PTPRN2: variants seen among roughly 807,000 people sequenced by gnomAD.
PTPRN2 encodes the protein receptor-type tyrosine-protein phosphatase N2.
In PTPRN2, 74 loss-of-function variants were observed where a neutral mutation model predicts 118.8. The observed-to-expected ratio is 0.62, with a 90% CI of 0.52 to 0.76. The LOEUF (loss-of-function observed/expected upper bound fraction) is 0.76. PTPRN2 is among the 30% of genes least tolerant of loss of function. The pLI, the probability that PTPRN2 is intolerant of heterozygous loss-of-function variation, is 0.00. For missense variants in PTPRN2, 1,481 were observed against 1,394.4 expected, an observed-to-expected ratio of 1.06 and a Z score of -0.99; for synonymous variants, 641 against 608.0, an observed-to-expected ratio of 1.05 and a Z score of -0.80.
In PTPRN2 at chr7:158,159,127, T is replaced by C. The variant is rs4626546; in HGVS notation, c.910+7804A>G. ...GAGCCCGTGTGATTGGCCAGGACTT[T>C]GCAAGTGCTTTCTGAATGAATGAGT... On this transcript the variant is annotated intron_variant, in intron 6 of 22. Transcript: ENST00000389418. Among the ~76,000 whole-genome samples the C allele has an allele frequency of 1.4e-3, 13 of 9,344 alleles. 2 individuals carry two copies. Among genetic ancestry groups the C allele is most frequent in the Admixed American group, 3.8e-3 (2 of 522 alleles). The allele number at this position is 9,344 out of a possible 152,430, so 6.1% of individuals were successfully genotyped here. A position where few individuals can be genotyped will look rare whatever the true frequency, so the allele number is the denominator to read the frequency against.
intron 3 of PTPRN2, among the ~76,000 whole-genome samples, chr7:158,301,506 T>C (rs551082041): frequency 1.3e-3 from 202 of 152,340 alleles, no homozygotes; most frequent in African/African-American, 4.6e-3. Context: ...CCGGTTAACC[T>C]ACACACCACT....
chr7:157,603,863 G>C lies in PTPRN2; in HGVS notation c.2418+139C>G. On this transcript the variant is annotated intron_variant, in intron 16 of 22. Transcript: ENST00000389418. This position sits in a 1 kb window ranked among gnomAD's most constrained non-coding sequence, Gnocchi z 5.4. ...ACAGGGGAGTGGCGGGAGCCCAATG[G>C]GCAGAGTCGGCCCTGTCCACCGCAG... 3.8e-6 allele frequency: 3 copies of C among 780,456 alleles called. No individual in the cohort carries two copies. The South Asian group carries it at 5.2e-5, about 13-fold the overall frequency. The allele number at this position is 780,456 out of a possible 1,614,324, so 48.3% of individuals were successfully genotyped here. A position where few individuals can be genotyped will look rare whatever the true frequency, so the allele number is the denominator to read the frequency against.
chr7:158,324,305 C>T (rs75552241), intron 2 of PTPRN2, among the ~76,000 whole-genome samples: 5,211 of 152,270 alleles, frequency 0.034, 296 homozygotes, highest in African/African-American at 0.12. Context: ...GCCTTGCCCC[C>T]GGTGTGGACT....
chr7:158,352,215 T>A (rs144724646), intron 2 of PTPRN2, among the ~76,000 whole-genome samples: 3 of 316 alleles, frequency 9.5e-3, no homozygotes, highest in African/African-American at 0.042. Flanking sequence ...CCCTCCTGAC[T>A]GCTCCCCTCC....
chr7:158,445,746 G>A (rs1817680526), intron 2 of PTPRN2, among the ~76,000 whole-genome samples: 1 of 152,232 alleles, frequency 6.6e-6, no homozygotes, highest in African/African-American at 2.4e-5. Context: ...AGGGCGCTCT[G>A]CCCCAAGTCA....
At chr7:157,722,706 G>A (rs1473179677) in intron 12 of PTPRN2, among the ~76,000 whole-genome samples, 1 of 152,170 alleles carries the variant, frequency 6.6e-6, no homozygotes, top group Non-Finnish European at 1.5e-5. Context: ...AGGGAAGGAG[G>A]CATGAGTGCC....
intron 12 of PTPRN2, among the ~76,000 whole-genome samples, chr7:157,876,340 T>C (rs758125215): frequency 8.5e-5 from 13 of 152,160 alleles, no homozygotes; most frequent in Non-Finnish European, 1.5e-4. Context: ...ATTCCCAGCA[T>C]GGAGAAGCCT....
At chr7:157,666,935 CTGGTGGG>C (rs1253204438) in intron 13 of PTPRN2, among the ~76,000 whole-genome samples, 5 of 151,230 alleles carry the variant, frequency 3.3e-5, no homozygotes, top group Admixed American at 6.6e-5. Context: ...ACACTGATCT[CTGGTGGG>C]TGCAATGAGT....
chr7:157,826,188 G>A (rs922614108), intron 12 of PTPRN2, among the ~76,000 whole-genome samples: 1 of 151,054 alleles, frequency 6.6e-6, no homozygotes, highest in Non-Finnish European at 1.5e-5. Context: ...CACGCGTGCT[G>A]TGCAAAGACA....
At chr7:157,724,147 A>G (rs1352154900) in intron 12 of PTPRN2, among the ~76,000 whole-genome samples, 1 of 151,832 alleles carries the variant, frequency 6.6e-6, no homozygotes, top group African/African-American at 2.4e-5. Context: ...TCTGGAATTT[A>G]GGCTTCCCTC....
chr7:158,374,974 G>C (rs530045402), intron 2 of PTPRN2, among the ~76,000 whole-genome samples: 120 of 152,254 alleles, frequency 7.9e-4, no homozygotes, highest in African/African-American at 2.3e-3. Flanking sequence ...ATAAAGGGTG[G>C]GGCTAAAATC....
intron 2 of PTPRN2, among the ~76,000 whole-genome samples, chr7:158,320,604 T>C (rs900685288): frequency 6.6e-6 from 1 of 152,144 alleles, no homozygotes; most frequent in Non-Finnish European, 1.5e-5. Context: ...TGGGTGACAC[T>C]TGGAGGCGTC....
chr7:158,453,642 G>C (rs916065506), intron 2 of PTPRN2, among the ~76,000 whole-genome samples: 1 of 152,188 alleles, frequency 6.6e-6, no homozygotes, highest in African/African-American at 2.4e-5. Context: ...AGGATCTGTT[G>C]CTTCTTATTT....
At chr7:157,650,279 C>G (rs1358189789) in intron 14 of PTPRN2, among the ~76,000 whole-genome samples, 1 of 152,226 alleles carries the variant, frequency 6.6e-6, no homozygotes, top group African/African-American at 2.4e-5. Flanking sequence ...GGCTCCCCAT[C>G]AGGGCAGGGC....
At chr7:158,043,643 T>A (rs1808632228) in intron 11 of PTPRN2, among the ~76,000 whole-genome samples, 1 of 152,202 alleles carries the variant, frequency 6.6e-6, no homozygotes, top group Non-Finnish European at 1.5e-5. Context: ...CCGTCTGCAT[T>A]AAAGAGGCCA....
chr7:158,184,190 T>C (rs1157485265), intron 5 of PTPRN2, among the ~76,000 whole-genome samples: 1 of 152,206 alleles, frequency 6.6e-6, no homozygotes, highest in East Asian at 1.9e-4. Context: ...TTGTATCATA[T>C]TGATACCAAT....
intron 14 of PTPRN2, among the ~76,000 whole-genome samples, chr7:157,641,935 G>A (rs1320130432): frequency 2.0e-5 from 3 of 152,066 alleles, no homozygotes; most frequent in Non-Finnish European, 2.9e-5. Context: ...TCCTTCCACC[G>A]TGAACTCCAA....
chr7:158,300,278 C>T (rs1586170959), intron 3 of PTPRN2, among the ~76,000 whole-genome samples: 2 of 152,320 alleles, frequency 1.3e-5, no homozygotes, highest in South Asian at 4.1e-4. Context: ...ACCCCTAGCC[C>T]TTGGAGTCAA....
At position 157,845,629 on chromosome 7, in the gene PTPRN2, T is replaced by G. The variant is rs1042490543; in HGVS notation, c.1788+53044A>C. On this transcript the variant is annotated intron_variant, in intron 12 of 22. Transcript: ENST00000389418. This position sits in a 1 kb window ranked among gnomAD's most constrained non-coding sequence, Gnocchi z 4.5. ...AGGAGCATTGCATGGAGGAGCCACT[T>G]GCAGATGCGGTAACCCACTGTGCGG... Among the ~76,000 whole-genome samples the G allele has an allele frequency of 2.0e-5, 3 of 152,214 alleles. No homozygotes were observed. Among genetic ancestry groups the G allele is most frequent in the Non-Finnish European group, 4.4e-5 (3 of 68,038 alleles).
Sources: gnomAD v4.1 joint callset for allele counts (sites outside exome capture counted in the v4.1 genomes callset) on GRCh38, gnomAD v4.1.1 for gene constraint, Gnocchi (gnomAD v3.1) non-coding constraint, MANE v1.5 for transcripts, NCBI Gene and HGNC (gene_info 2026-07-23, HGNC 2026-07-21) for gene names.